The following AK8 variants were observed in gnomAD, a reference collection of about 807,000 sequenced individuals.
The protein encoded by AK8 is adenylate kinase 8.
Under a neutral mutation model 54.6 loss-of-function variants are expected in AK8, and 44 were observed. The ratio of observed to expected loss-of-function variants is 0.81; its 90% CI spans 0.63 to 1.04. The LOEUF (loss-of-function observed/expected upper bound fraction) is 1.04. AK8 is among the 50% of genes least tolerant of loss of function. The probability of loss-of-function intolerance (pLI) is 0.00; values close to 1 mark genes in which losing one functional copy is unlikely to be tolerated. For missense variants in AK8, 555 were observed against 613.6 expected, an observed-to-expected ratio of 0.90 and a Z score of 1.01; for synonymous variants, 239 against 245.6, an observed-to-expected ratio of 0.97 and a Z score of 0.25.
At chr9:132,765,327 T>C (rs1367133314) in intron 11 of AK8, among the ~76,000 whole-genome samples, 1 of 132,936 alleles carries the variant, frequency 7.5e-6, no homozygotes, top group African/African-American at 3.0e-5. Flanking sequence ...GAATTCACCA[T>C]AATCATGTGG....
chr9:132,743,070 C>A (rs564558589), intron 11 of AK8, among the ~76,000 whole-genome samples: 2 of 152,224 alleles, frequency 1.3e-5, no homozygotes, highest in East Asian at 3.9e-4. Flanking sequence ...GCCCTGGCTG[C>A]GTGTGTAGCT....
intron 12 of AK8, 62 bp from the exon 13 acceptor site, chr9:132,725,987 A>G: frequency 6.7e-7 from 1 of 1,484,590 alleles, no homozygotes. Flanking sequence ...GGAGAAAGGG[A>G]CCCTCTACTC....
At chr9:132,759,897 A>T (rs1300780181) in intron 11 of AK8, among the ~76,000 whole-genome samples, 1 of 152,042 alleles carries the variant, frequency 6.6e-6, no homozygotes, top group African/African-American at 2.4e-5. Context: ...TAAATTTTTA[A>T]CTCTTTGCTC....
chr9:132,810,275 A>ATT (rs1840936894), intron 10 of AK8, among the ~76,000 whole-genome samples: 1 of 151,886 alleles, frequency 6.6e-6, no homozygotes, highest in South Asian at 2.1e-4. Context: ...GGAAGAAAAA[A>ATT]TTTAGCATGA....
rs1374119155 is a variant in AK8, at chr9:132,878,224, G to C, written c.32C>G (p.Pro11Arg). Residue 11 changes from proline to arginine, a missense_variant, in exon 1 of 13, where the codon CCC becomes CGC. Transcript: ENST00000298545. This position sits in a 1 kb window ranked among gnomAD's most constrained non-coding sequence, Gnocchi z 4.7. Reference sequence around the variant, plus strand: ...CTCCCCGTACTGGGGCATCTCGGGGGGGATACGGTGCGGGGCGATAGTGGC... The same window carrying C: ...CTCCCCGTACTGGGGCATCTCGGGGCGGATACGGTGCGGGGCGATAGTGGC... The part of the protein sequence containing the change: MDATIAPHRI[P>R]PEMPQYGEEN... 1 of 1,458,004 alleles carries C rather than the reference G, an allele frequency of 6.9e-7. No individual in the cohort carries two copies. The highest frequency in any genetic ancestry group is 9.1e-7 in the Non-Finnish European group (1 of 1,101,882). 90.3% of individuals were successfully genotyped at this position (1,458,004 alleles called of 1,614,324 possible).
chr9:132,820,893 G>A (rs1027303662), intron 9 of AK8, among the ~76,000 whole-genome samples: 1 of 152,152 alleles, frequency 6.6e-6, no homozygotes, highest in African/African-American at 2.4e-5. Context: ...CCTGCCTTAG[G>A]TCTCTTAAAT....
In AK8 at chr9:132,770,756, G is replaced by T. The variant is rs1171625836; in HGVS notation, c.1121+21878C>A. 6.6e-6 allele frequency among the ~76,000 whole-genome samples: 1 copy of T among 152,158 alleles called. No individual in the cohort carries two copies. The highest frequency in any genetic ancestry group is 2.4e-5 in the African/African-American group (1 of 41,434). The stretch of plus-strand genomic sequence containing the variant: ...GCAGTGTGGGGCGGTCTTGCTCCCT[G>T]TTGACCCCCATTCCCCCTCCCCTGG... On this transcript the variant is annotated intron_variant, in intron 11 of 12. Transcript: ENST00000298545. The surrounding 1 kb of genome is among the most constrained non-coding windows in gnomAD (Gnocchi z 4.3).
At chr9:132,765,634 AAAC>A (rs1420083653) in intron 11 of AK8, among the ~76,000 whole-genome samples, 2 of 152,256 alleles carry the variant, frequency 1.3e-5, no homozygotes, top group South Asian at 2.1e-4. Flanking sequence ...TAAACAAGCA[AAAC>A]AACAACAACA....
At chr9:132,840,115 G>A (rs1358442887) in intron 5 of AK8, among the ~76,000 whole-genome samples, 1 of 152,102 alleles carries the variant, frequency 6.6e-6, no homozygotes, top group Non-Finnish European at 1.5e-5. Context: ...ACTGCGCCCG[G>A]CCCCAGTCAC....
chr9:132,863,427 G>A (rs534477187), intron 4 of AK8, among the ~76,000 whole-genome samples: 20 of 152,324 alleles, frequency 1.3e-4, no homozygotes, highest in Admixed American at 4.6e-4. Context: ...TCCTTCACTC[G>A]ACCCGTGATC....
chr9:132,857,359 C>T (rs75515182), intron 4 of AK8, among the ~76,000 whole-genome samples: 37 of 152,254 alleles, frequency 2.4e-4, no homozygotes, highest in African/African-American at 8.9e-4. Context: ...GGCATAAGCC[C>T]ACCTACACAG....
intron 11 of AK8, among the ~76,000 whole-genome samples, chr9:132,774,993 G>T (rs1180830411): frequency 6.6e-6 from 1 of 152,248 alleles, no homozygotes; most frequent in Non-Finnish European, 1.5e-5. Context: ...TAGGCAAAGA[G>T]AAGTCTTTTC....
chr9:132,765,640 CA>C (rs1468304268), intron 11 of AK8, among the ~76,000 whole-genome samples: 1 of 152,068 alleles, frequency 6.6e-6, no homozygotes, highest in African/African-American at 2.4e-5. Context: ...AGCAAAACAA[CA>C]ACAACAAAAC....
At chr9:132,730,714 A>C (rs531131) in intron 11 of AK8, among the ~76,000 whole-genome samples, 11,351 of 152,020 alleles carry the variant, frequency 0.075, 1,254 homozygotes, top group African/African-American at 0.24. Context: ...AGGCACCCCA[A>C]AGGTCCTGTG....
At chr9:132,792,002 C>T (rs1052045723) in intron 11 of AK8, among the ~76,000 whole-genome samples, 6 of 152,248 alleles carry the variant, frequency 3.9e-5, no homozygotes, top group African/African-American at 1.4e-4. Flanking sequence ...TCCCACCTTC[C>T]ACTAGAATGC....
rs543870052 is a variant in AK8, at chr9:132,832,048, T to C, written c.403-3322A>G. On this transcript the variant is annotated intron_variant, in intron 5 of 12. Coordinates refer to ENST00000298545, the MANE Select transcript of AK8 (RefSeq NM_152572.3). ...TTGCACTCCTGCCTGGGTGACACAG[T>C]GAGACCTTGTCTCTGAAAAAAAAAA... Among the ~76,000 whole-genome samples the C allele has an allele frequency of 1.5e-4, 17 of 111,930 alleles. No individual in the cohort carries two copies. The East Asian group carries it at 4.5e-3, about 30-fold the overall frequency. The allele number at this position is 111,930 out of a possible 152,430, so 73.4% of individuals were successfully genotyped here. A position where few individuals can be genotyped will look rare whatever the true frequency, so the allele number is the denominator to read the frequency against.
Position 132,878,128 on chromosome 9 carries a change from C to T in AK8, c.84+44G>A. The T allele has an allele frequency of 1.3e-6, 2 of 1,536,330 alleles. No individual in the cohort carries two copies. Among genetic ancestry groups the T allele is most frequent in the Non-Finnish European group, 1.8e-6 (2 of 1,141,838 alleles). ...GCACCCGACGTCGCAGTGGAGGCTCCCGAGCCGCCGCCAGCGTCGCGACGG... is the reference window on the plus strand; with the variant it reads ...GCACCCGACGTCGCAGTGGAGGCTCTCGAGCCGCCGCCAGCGTCGCGACGG... On this transcript the variant is annotated intron_variant, in intron 1 of 12. Transcript: ENST00000298545. This position sits in a 1 kb window ranked among gnomAD's most constrained non-coding sequence, Gnocchi z 4.7.
At chr9:132,782,937 T>A (rs1839540327) in intron 11 of AK8, among the ~76,000 whole-genome samples, 1 of 152,202 alleles carries the variant, frequency 6.6e-6, no homozygotes, top group Non-Finnish European at 1.5e-5. Flanking sequence ...ACTCTAGGGA[T>A]ATAATTCAGA....
At chr9:132,739,210 G>A (rs971981840) in intron 11 of AK8, among the ~76,000 whole-genome samples, 61 of 151,656 alleles carry the variant, frequency 4.0e-4, no homozygotes, top group African/African-American at 1.4e-3. Flanking sequence ...AGCACTTTGG[G>A]AGGCCGAGGC....
Sources: allele counts gnomAD v4.1 joint callset (sites outside exome capture counted in the v4.1 genomes callset), GRCh38; gene constraint gnomAD v4.1.1; non-coding constraint Gnocchi (gnomAD v3.1); transcripts MANE v1.5; gene names NCBI Gene and HGNC (gene_info 2026-07-23, HGNC 2026-07-21).